ARHGAP6: variants seen among roughly 807,000 people sequenced by gnomAD.
The protein encoded by ARHGAP6 is rho GTPase-activating protein 6.
ARHGAP6 carries 16 observed loss-of-function variants against 55.7 expected under a neutral mutation model. The ratio of observed to expected loss-of-function variants is 0.29; its 90% CI spans 0.19 to 0.44. The LOEUF (loss-of-function observed/expected upper bound fraction) is 0.44. Among genes scored for constraint, ARHGAP6 ranks in the 20% least tolerant of loss-of-function variants. ARHGAP6 has a pLI of 1.00. For missense variants in ARHGAP6, 698 were observed against 808.9 expected (o/e 0.86, Z 1.66); for synonymous variants, 382 against 360.9 (o/e 1.06, Z -0.66).
chrX:11,374,634 C>T (rs1325257507), intron 1 of ARHGAP6, among the ~76,000 whole-genome samples: 1 of 112,163 alleles, frequency 8.9e-6, no homozygotes, highest in Non-Finnish European at 1.9e-5. Flanking sequence ...TCAAATAAAT[C>T]TGAAAGAGTA....
At chrX:11,599,179 A>C (rs1318232876) in intron 1 of ARHGAP6, among the ~76,000 whole-genome samples, 2 of 111,947 alleles carry the variant, frequency 1.8e-5, no homozygotes, top group Non-Finnish European at 3.8e-5. Context: ...GGTTGTTTCC[A>C]TGTCTTGGCT....
chrX:11,399,269 T>G (rs1274764630), intron 1 of ARHGAP6, among the ~76,000 whole-genome samples: 8 of 106,351 alleles, frequency 7.5e-5, no homozygotes, highest in Non-Finnish European at 3.8e-5. Flanking sequence ...AACAGGCCAG[T>G]GTGATTTTAT....
chrX:11,378,689 T>G (rs991278333), intron 1 of ARHGAP6, among the ~76,000 whole-genome samples: 3 of 112,359 alleles, frequency 2.7e-5, no homozygotes, highest in Admixed American at 9.4e-5. Flanking sequence ...ACTTAAGACT[T>G]GGGTACCATT....
chrX:11,577,904 T>C (rs1055709319), intron 1 of ARHGAP6, among the ~76,000 whole-genome samples: 2 of 111,344 alleles, frequency 1.8e-5, no homozygotes, highest in African/African-American at 6.5e-5. Flanking sequence ...GCCTCCTTTC[T>C]GGTCCCCAGC....
intron 1 of ARHGAP6, among the ~76,000 whole-genome samples, chrX:11,309,232 C>A (rs1422334658): frequency 2.7e-5 from 3 of 111,697 alleles, no homozygotes; most frequent in Non-Finnish European, 3.8e-5. Flanking sequence ...ATACACACAC[C>A]GTATCTTCTT....
At chrX:11,351,881 A>G (rs2048867493) in intron 1 of ARHGAP6, among the ~76,000 whole-genome samples, 1 of 112,309 alleles carries the variant, frequency 8.9e-6, no homozygotes, top group Non-Finnish European at 1.9e-5. Flanking sequence ...GTAGACCACA[A>G]GTTGTGAGAG....
chrX:11,396,324 G>A (rs952202864), intron 1 of ARHGAP6, among the ~76,000 whole-genome samples: 4 of 110,035 alleles, frequency 3.6e-5, no homozygotes, highest in African/African-American at 6.6e-5. Flanking sequence ...TTAGGTGGCA[G>A]CCATATTACT....
rs1202047568 is a variant in ARHGAP6, at chrX:11,222,556, T to C, written c.749-25560A>G. Among the ~76,000 whole-genome samples, 4 of 112,311 alleles carry C rather than the reference T, an allele frequency of 3.6e-5. No homozygotes were observed. The South Asian group carries it at 1.1e-3, about 31-fold the overall frequency. ...AGTAATACAGTTTTCAGAAACAGCA[T>C]TGTGGATAAAAATGTCATATAAAAA... is the stretch of plus-strand genomic sequence containing the variant. On this transcript the variant is annotated intron_variant, in intron 2 of 12. Transcript: ENST00000337414.
At chrX:11,411,962 C>A (rs2147766841) in intron 1 of ARHGAP6, among the ~76,000 whole-genome samples, 1 of 111,280 alleles carries the variant, frequency 9.0e-6, no homozygotes, top group South Asian at 3.8e-4. Flanking sequence ...CCTTTCCCAA[C>A]CACAGCCCCA....
At chrX:11,218,684 G>T (rs1414594528) in intron 2 of ARHGAP6, among the ~76,000 whole-genome samples, 2 of 111,294 alleles carry the variant, frequency 1.8e-5, no homozygotes. Flanking sequence ...TCCTAGTTTA[G>T]TCTTGGGAGG....
At position 11,284,877 on chromosome X, in the gene ARHGAP6, T is replaced by C. The variant is rs757998409; in HGVS notation, c.589-30170A>G. 2.7e-5 allele frequency among the ~76,000 whole-genome samples: 3 copies of C among 111,692 alleles called. No homozygotes were observed. The South Asian group carries it at 1.1e-3, about 42-fold the overall frequency. On this transcript the variant is annotated intron_variant, in intron 1 of 12. Transcript: ENST00000337414. The stretch of plus-strand genomic sequence containing the variant: ...TGCCAGGAACATCCGTATCCTCCAA[T>C]TGTGACAACCAAAAATGCTTCCAAA...
At chrX:11,376,158 G>A (rs2049198322) in intron 1 of ARHGAP6, among the ~76,000 whole-genome samples, 1 of 111,680 alleles carries the variant, frequency 9.0e-6, no homozygotes. Context: ...GATAAGGAGA[G>A]AAATAACAGA....
intron 1 of ARHGAP6, among the ~76,000 whole-genome samples, chrX:11,304,777 CTTTTTTTT>C (rs953912280): frequency 2.8e-4 from 14 of 50,308 alleles, no homozygotes; most frequent in Non-Finnish European, 4.1e-4. Flanking sequence ...CTTTCTTTTA[CTTTTTTTT>C]TTTTTTTTTT....
chrX:11,356,192 T>G (rs2048928578), intron 1 of ARHGAP6, among the ~76,000 whole-genome samples: 1 of 109,032 alleles, frequency 9.2e-6, no homozygotes. Context: ...ATGTTCTCAC[T>G]CATAAGTGGG....
At chrX:11,534,654 T>G (rs1325729176) in intron 1 of ARHGAP6, among the ~76,000 whole-genome samples, 1 of 110,248 alleles carries the variant, frequency 9.1e-6, no homozygotes, top group Non-Finnish European at 1.9e-5. Context: ...AGAAATACAA[T>G]GTGAACCACA....
chrX:11,631,068 C>T (rs1179254939), intron 1 of ARHGAP6, among the ~76,000 whole-genome samples: 1 of 110,808 alleles, frequency 9.0e-6, no homozygotes, highest in Admixed American at 9.6e-5. Flanking sequence ...AAGGACATGT[C>T]ACTCATGTAA....
At chrX:11,520,918 A>G (rs1184697890) in intron 1 of ARHGAP6, among the ~76,000 whole-genome samples, 2 of 112,213 alleles carry the variant, frequency 1.8e-5, no homozygotes, top group Non-Finnish European at 3.8e-5. Flanking sequence ...GCCAGTGATG[A>G]TGAGCATTTT....
At chrX:11,472,185 T>C (rs1010983190) in intron 1 of ARHGAP6, among the ~76,000 whole-genome samples, 48 of 111,238 alleles carry the variant, frequency 4.3e-4, no homozygotes, top group African/African-American at 1.6e-3. Context: ...TGTAGGATGT[T>C]AGCAGCATCC....
chrX:11,454,037 G>A (rs1317957809), intron 1 of ARHGAP6, among the ~76,000 whole-genome samples: 4 of 110,587 alleles, frequency 3.6e-5, no homozygotes, highest in Admixed American at 1.9e-4. Flanking sequence ...TCCACCTCCC[G>A]GGTTCATGCC....
Sources: gnomAD v4.1 joint callset for allele counts (sites outside exome capture counted in the v4.1 genomes callset) on GRCh38, gnomAD v4.1.1 for gene constraint, MANE v1.5 for transcripts, NCBI Gene and HGNC (gene_info 2026-07-23, HGNC 2026-07-21) for gene names.